The following VAV1 variants were observed in gnomAD, a reference collection of about 807,000 sequenced individuals.
VAV1 encodes the protein proto-oncogene vav.
In VAV1, 33 loss-of-function variants were observed where a neutral mutation model predicts 128.1. That is an observed-to-expected ratio of 0.26 (90% CI 0.20 to 0.34). The LOEUF (loss-of-function observed/expected upper bound fraction) is 0.34, where lower values mean the gene tolerates loss of function less well. Among genes scored for constraint, VAV1 ranks in the 10% least tolerant of loss-of-function variants. The pLI is 1.00. For missense variants in VAV1, 715 were observed against 1,093.7 expected (o/e 0.65, Z 4.88); for synonymous variants, 394 against 409.8 (o/e 0.96, Z 0.47).
intron 20 of VAV1, 47 bp downstream of exon 20, chr19:6,836,615 G>A (rs1471744014): frequency 6.2e-7 from 1 of 1,603,602 alleles, no homozygotes. Context: ...CCAAGTGTAG[G>A]GTTATGGATT....
chr19:6,801,847 A>G (rs1599636203), intron 1 of VAV1, among the ~76,000 whole-genome samples: 1 of 152,236 alleles, frequency 6.6e-6, no homozygotes, highest in Non-Finnish European at 1.5e-5. Context: ...CATCTTGGGC[A>G]GGGGTTTTGT....
intron 1 of VAV1, among the ~76,000 whole-genome samples, chr19:6,814,694 T>TCTCTCTCTCTCTCTC (rs1971597913): frequency 7.8e-6 from 1 of 127,730 alleles, no homozygotes; most frequent in African/African-American, 3.4e-5. Context: ...CTTTCTTTCT[T>TCTCTCTCTCTCTCTC]TCTTTCTTTC....
rs1972659237 is a variant in VAV1, at chr19:6,850,874, A to AAGGTC, written c.2217+117_2217+118insAGGTC. ...AGGGTGACCCCCCTCCAGTGGCACT[A>AAGGTC]CAGTGCAAGTGACCTTAAACTTATG... On this transcript the variant is annotated intron_variant, in intron 24 of 26. Transcript: ENST00000602142. 7 of 879,114 alleles carry AAGGTC rather than the reference A, an allele frequency of 8.0e-6. No individual in the cohort carries two copies. In the East Asian group the frequency reaches 1.8e-4, roughly 23 times the overall value. 54.5% of individuals were successfully genotyped at this position (879,114 alleles called of 1,614,324 possible). A position where few individuals can be genotyped will look rare whatever the true frequency, so the allele number is the denominator to read the frequency against.
Position 6,828,505 on chromosome 19 carries a change from G to T in VAV1, c.1092+18G>T, listed in dbSNP as rs890128465. ...CCATGAGGGTGAGTGGGTGTAGGGT[G>T]CTGGTGACTCACCTGCTGCAGACAC... is the stretch of plus-strand genomic sequence containing the variant. On this transcript the variant is annotated intron_variant, in intron 11 of 26. Transcript: ENST00000602142. The surrounding 1 kb of genome is among the most constrained non-coding windows in gnomAD (Gnocchi z 4.5). The T allele has an allele frequency of 6.2e-7, 1 of 1,614,134 alleles. No individual in the cohort carries two copies. The highest frequency in any genetic ancestry group is 8.5e-7 in the Non-Finnish European group (1 of 1,180,002).
chr19:6,792,422 T>C (rs528763700), intron 1 of VAV1, among the ~76,000 whole-genome samples: 3 of 151,804 alleles, frequency 2.0e-5, no homozygotes, highest in South Asian at 2.1e-4. Flanking sequence ...GGGTGGTGTC[T>C]AGGTTTACAG....
At chr19:6,786,596 A>AT (rs1339600657) in intron 1 of VAV1, among the ~76,000 whole-genome samples, 1 of 152,168 alleles carries the variant, frequency 6.6e-6, no homozygotes, top group Non-Finnish European at 1.5e-5. Context: ...CAGCCTGGGC[A>AT]TCCTGGCAAA....
Position 6,826,478 on chromosome 19 carries a change from C to T in VAV1, c.828-134C>T. ...TCACATGGGAGATGCTATTGTTATG[C>T]CCATTTCACAGATGGAGAAACTGGG... On this transcript the variant is annotated intron_variant, in intron 8 of 26. Coordinates refer to ENST00000602142, the MANE Select transcript of VAV1 (RefSeq NM_005428.4). The surrounding 1 kb of genome is among the most constrained non-coding windows in gnomAD (Gnocchi z 4.1). The T allele has an allele frequency of 3.0e-6, 2 of 657,314 alleles. No individual in the cohort carries two copies. The highest frequency in any genetic ancestry group is 5.5e-6 in the Non-Finnish European group (2 of 363,874). The allele number at this position is 657,314 out of a possible 1,614,324, so 40.7% of individuals were successfully genotyped here.
intron 6 of VAV1, among the ~76,000 whole-genome samples, chr19:6,824,820 G>T (rs189744948): frequency 1.3e-5 from 2 of 152,090 alleles, no homozygotes; most frequent in Non-Finnish European, 2.9e-5. Context: ...GTGAGCCACC[G>T]CACCTGGCCG....
chr19:6,836,908 G>A (rs1487027636), intron 20 of VAV1, 77 bp from the exon 21 acceptor site: 1 of 1,442,930 alleles, frequency 6.9e-7, no homozygotes, highest in African/African-American at 1.4e-5. Flanking sequence ...CACGTGTAGG[G>A]TTATGGGTTT....
intron 21 of VAV1, among the ~76,000 whole-genome samples, chr19:6,840,299 CTTTCTTTTTT>C (rs1454165198): frequency 0.011 from 1,465 of 127,820 alleles, 23 homozygotes; most frequent in African/African-American, 0.037. Flanking sequence ...TCAGAATTTT[CTTTCTTTTTT>C]TTTTTTTTTT....
Position 6,857,267 on chromosome 19 carries a change from G to C in VAV1, c.*160G>C. 2.2e-6 allele frequency: 2 copies of C among 925,998 alleles called. No individual in the cohort carries two copies. Among genetic ancestry groups the C allele is most frequent in the East Asian group, 2.7e-5 (1 of 37,698 alleles). 57.4% of individuals were successfully genotyped at this position (925,998 alleles called of 1,614,324 possible). The stretch of plus-strand genomic sequence containing the variant: ...TGGCGGTGCTCCCGGGATGTGCCCT[G>C]ACATGGTTAATTTATAACACCCCGA... On this transcript the variant is annotated 3_prime_UTR_variant, in exon 27 of 27. Transcript: ENST00000602142.
At chr19:6,773,273 C>G (rs1345031948) in intron 1 of VAV1, among the ~76,000 whole-genome samples, 1 of 152,094 alleles carries the variant, frequency 6.6e-6, no homozygotes, top group African/African-American at 2.4e-5. Flanking sequence ...TAGGGGTTAA[C>G]TCTCTCAAGC....
chr19:6,832,607 ATTCCTCCTCCACCTCTTC>A (rs1972104609), intron 15 of VAV1, among the ~76,000 whole-genome samples: 2 of 53,248 alleles, frequency 3.8e-5, no homozygotes, highest in Non-Finnish European at 7.2e-5. Context: ...TCTTCCTCCT[ATTCCTCCTCCACCTCTTC>A]TTCCTCCTCC....
intron 1 of VAV1, among the ~76,000 whole-genome samples, chr19:6,795,129 C>G (rs533302630): frequency 1.4e-4 from 22 of 152,256 alleles, no homozygotes; most frequent in Admixed American, 3.9e-4. Context: ...CACGCAGTGT[C>G]ACTTACAGCA....
chr19:6,822,460 G>A lies in VAV1; in HGVS notation c.600G>A (p.Arg200=), dbSNP rs1307400472. The change falls in exon 6 of 27, where the codon CGG becomes CGA. Residue 200 remains arginine (R), a synonymous_variant. Coordinates refer to ENST00000602142, the MANE Select transcript of VAV1 (RefSeq NM_005428.4). The surrounding 1 kb of genome is among the most constrained non-coding windows in gnomAD (Gnocchi z 5.9). ...TEYDKRCCCL[R]EIQQTEEKYT... is the part of the protein sequence containing the mutation. ...ATGACAAGCGCTGCTGCTGCCTGCG[G>A]GAGATCCAGCAGACGGAGGAGAAGT... 6.4e-7 allele frequency: 1 copy of A among 1,563,260 alleles called. No individual in the cohort carries two copies. The highest frequency in any genetic ancestry group is 8.7e-7 in the Non-Finnish European group (1 of 1,155,958).
intron 14 of VAV1, among the ~76,000 whole-genome samples, chr19:6,831,608 G>T (rs561128897): frequency 1.3e-5 from 2 of 152,252 alleles, no homozygotes; most frequent in East Asian, 1.9e-4. Flanking sequence ...CACCGCGCCC[G>T]GCTGGCTTCT....
chr19:6,820,914 C>G lies in VAV1; in HGVS notation c.321+96C>G. On this transcript the variant is annotated intron_variant, in intron 2 of 26. Transcript: ENST00000602142. This position sits in a 1 kb window ranked among gnomAD's most constrained non-coding sequence, Gnocchi z 4.4. ...TAAGGACTGTCAGGGGACAGGCAGA[C>G]AAGCCAGACCAGGCCATATACAAGA... The G allele has an allele frequency of 8.5e-7, 1 of 1,171,858 alleles. No homozygotes were observed. The allele number at this position is 1,171,858 out of a possible 1,614,324, so 72.6% of individuals were successfully genotyped here.
At chr19:6,808,130 T>C (rs1211268998) in intron 1 of VAV1, among the ~76,000 whole-genome samples, 1 of 151,700 alleles carries the variant, frequency 6.6e-6, no homozygotes, top group Non-Finnish European at 1.5e-5. Context: ...CTTGCCAGCA[T>C]GGTGAAACCC....
At chr19:6,806,085 T>C (rs757419378) in intron 1 of VAV1, among the ~76,000 whole-genome samples, 12 of 152,118 alleles carry the variant, frequency 7.9e-5, no homozygotes, top group African/African-American at 1.2e-4. Context: ...CCTGTTTTTG[T>C]AAATGAAGCT....
Sources: gnomAD v4.1 joint callset for allele counts (sites outside exome capture counted in the v4.1 genomes callset) on GRCh38, gnomAD v4.1.1 for gene constraint, Gnocchi (gnomAD v3.1) non-coding constraint, MANE v1.5 for transcripts, NCBI Gene and HGNC (gene_info 2026-07-23, HGNC 2026-07-21) for gene names.